KCNH8: variants seen among roughly 807,000 people sequenced by gnomAD.
KCNH8 encodes voltage-gated delayed rectifier potassium channel KCNH8.
A neutral mutation model predicts 103.6 loss-of-function variants in KCNH8; 70 were observed. That is an observed-to-expected ratio of 0.68 (90% CI 0.56 to 0.82). The LOEUF is 0.82. Among genes scored for constraint, KCNH8 ranks in the 40% least tolerant of loss-of-function variants. The pLI is 0.00. For synonymous variants in KCNH8, 498 were observed against 489.4 expected, an observed-to-expected ratio of 1.02 and a Z score of -0.23; for missense variants, 1,217 against 1,329.9, an observed-to-expected ratio of 0.92 and a Z score of 1.32.
chr3:19,523,817 A>C (rs1311563655), intron 15 of KCNH8, among the ~76,000 whole-genome samples: 1 of 151,914 alleles, frequency 6.6e-6, no homozygotes, highest in Non-Finnish European at 1.5e-5. Flanking sequence ...TTTCTCATTT[A>C]ATTTTGCTCA....
chr3:19,159,561 A>G (rs1559401993), intron 1 of KCNH8, among the ~76,000 whole-genome samples: 1 of 152,088 alleles, frequency 6.6e-6, no homozygotes, highest in Non-Finnish European at 1.5e-5. Flanking sequence ...AACAGGGCCA[A>G]GATTGGTTGG....
intron 3 of KCNH8, among the ~76,000 whole-genome samples, chr3:19,328,048 C>A (rs2065455086): frequency 6.6e-6 from 1 of 151,806 alleles, no homozygotes; most frequent in African/African-American, 2.4e-5. Flanking sequence ...TTTTTCTGTC[C>A]CATTACTTTT....
intron 5 of KCNH8, among the ~76,000 whole-genome samples, chr3:19,352,558 T>C (rs891330102): frequency 5.9e-5 from 9 of 152,134 alleles, no homozygotes; most frequent in Admixed American, 5.2e-4. Flanking sequence ...GCAATCAAAC[T>C]AGAACTCAGG....
At chr3:19,357,381 T>C (rs544144329) in intron 5 of KCNH8, among the ~76,000 whole-genome samples, 3 of 151,910 alleles carry the variant, frequency 2.0e-5, no homozygotes, top group Non-Finnish European at 2.9e-5. Flanking sequence ...AGCTGAGACA[T>C]TGCATCTCCA....
chr3:19,309,256 A>G (rs1229509323), intron 3 of KCNH8, among the ~76,000 whole-genome samples: 1 of 151,946 alleles, frequency 6.6e-6, no homozygotes, highest in Non-Finnish European at 1.5e-5. Context: ...TGTAGCTAAA[A>G]GAAGAGAGGG....
intron 2 of KCNH8, among the ~76,000 whole-genome samples, chr3:19,272,678 A>G (rs1444263988): frequency 6.6e-6 from 1 of 152,166 alleles, no homozygotes; most frequent in African/African-American, 2.4e-5. Flanking sequence ...TAGTTCATTA[A>G]TATTCAAAAG....
chr3:19,466,649 ATTTTTTTTT>A (rs869048680), intron 11 of KCNH8, among the ~76,000 whole-genome samples: 76 of 50,642 alleles, frequency 1.5e-3, no homozygotes, highest in African/African-American at 6.9e-3. Flanking sequence ...GTAGCAATAC[ATTTTTTTTT>A]TTTTTTTTTT....
At chr3:19,483,693 C>T (rs113925364) in intron 11 of KCNH8, among the ~76,000 whole-genome samples, 5 of 152,188 alleles carry the variant, frequency 3.3e-5, no homozygotes, top group Non-Finnish European at 5.9e-5. Context: ...GTTTAAAACA[C>T]TGGCTCAGGA....
rs57766729 is a variant in KCNH8, at chr3:19,472,195, C to CGTGT, written c.2040+15262_2040+15265dup. Among the ~76,000 whole-genome samples the CGTGT allele has an allele frequency of 1.3e-3, 177 of 137,484 alleles. 1 individual carries two copies. The highest frequency in any genetic ancestry group is 6.3e-3 in the South Asian group (24 of 3,814). 90.2% of individuals were successfully genotyped at this position (137,484 alleles called of 152,430 possible). On this transcript the variant is annotated intron_variant, in intron 11 of 15. Transcript: ENST00000328405. ...CTTATTGGAATTTAATCACTTCATT[C>CGTGT]GTGTGTGTGTGTGTGTGTGTGTGTG...
chr3:19,204,701 T>C (rs2063697287), intron 1 of KCNH8, among the ~76,000 whole-genome samples: 1 of 152,072 alleles, frequency 6.6e-6, no homozygotes, highest in South Asian at 2.1e-4. Context: ...ATTTTTATGA[T>C]AGCCATAATT....
At chr3:19,423,021 ACAT>A (rs1316245749) in intron 7 of KCNH8, among the ~76,000 whole-genome samples, 2 of 152,138 alleles carry the variant, frequency 1.3e-5, no homozygotes, top group African/African-American at 4.8e-5. Flanking sequence ...TATAATTGTT[ACAT>A]CATAGTGATG....
At chr3:19,239,652 AT>A (rs1433478497) in intron 1 of KCNH8, among the ~76,000 whole-genome samples, 1 of 148,576 alleles carries the variant, frequency 6.7e-6, no homozygotes, top group Admixed American at 6.6e-5. Context: ...CTATCTATCT[AT>A]CTATCTATCT....
At chr3:19,217,230 A>G (rs2125228862) in intron 1 of KCNH8, among the ~76,000 whole-genome samples, 1 of 152,306 alleles carries the variant, frequency 6.6e-6, no homozygotes, top group African/African-American at 2.4e-5. Flanking sequence ...ATTTAGATAC[A>G]TGGCTTAAGA....
intron 1 of KCNH8, among the ~76,000 whole-genome samples, chr3:19,209,020 C>G (rs1044190853): frequency 4.0e-5 from 6 of 151,862 alleles, no homozygotes; most frequent in African/African-American, 1.4e-4. Flanking sequence ...ATGTCTATAT[C>G]TATACCTGTC....
chr3:19,434,819 A>G (rs548427977), intron 7 of KCNH8, among the ~76,000 whole-genome samples: 6 of 152,208 alleles, frequency 3.9e-5, no homozygotes, highest in African/African-American at 9.6e-5. Flanking sequence ...GGATAATTCT[A>G]TTTTCTCTGG....
intron 14 of KCNH8, 26 bp downstream of exon 14, chr3:19,515,454 T>A: frequency 8.5e-7 from 1 of 1,174,986 alleles, no homozygotes; most frequent in South Asian, 1.7e-5. Context: ...AGTCTTCTCC[T>A]AAGGTAAAAT....
At chr3:19,203,890 A>G (rs2063687514) in intron 1 of KCNH8, among the ~76,000 whole-genome samples, 1 of 152,066 alleles carries the variant, frequency 6.6e-6, no homozygotes, top group African/African-American at 2.4e-5. Flanking sequence ...CTGTTATGCT[A>G]TGTTTATTGT....
intron 11 of KCNH8, among the ~76,000 whole-genome samples, chr3:19,493,051 T>TATTGATTTTTGTAC (rs545301874): frequency 6.6e-6 from 1 of 152,170 alleles, no homozygotes; most frequent in Non-Finnish European, 1.5e-5. Flanking sequence ...ATAGAAATGC[T>TATTGATTTTTGTAC]ATTGATTTTT....
intron 11 of KCNH8, among the ~76,000 whole-genome samples, chr3:19,503,164 AAC>A (rs1452902780): frequency 6.6e-6 from 1 of 151,520 alleles, no homozygotes; most frequent in Non-Finnish European, 1.5e-5. Context: ...GCAGCCAAAA[AAC>A]ACATGAAAAA....
Sources: gnomAD v4.1 joint callset for allele counts (sites outside exome capture counted in the v4.1 genomes callset) on GRCh38, gnomAD v4.1.1 for gene constraint, MANE v1.5 for transcripts, NCBI Gene and HGNC (gene_info 2026-07-23, HGNC 2026-07-21) for gene names.